SMYD3: variants seen among roughly 807,000 people sequenced by gnomAD.
SMYD3 encodes the protein histone-lysine N-methyltransferase SMYD3.
SMYD3 carries 36 observed loss-of-function variants against 57.7 expected under a neutral mutation model. That is an observed-to-expected ratio of 0.62 (90% CI 0.48 to 0.82). The LOEUF (loss-of-function observed/expected upper bound fraction) is 0.82. Ranked by LOEUF, SMYD3 falls within the 40% of genes least tolerant of loss-of-function variation. The pLI is 0.00. For synonymous variants in SMYD3, 211 were observed against 195.0 expected (o/e 1.08, Z -0.68); for missense variants, 515 against 538.8 (o/e 0.96, Z 0.44).
chr1:246,334,727 CT>C (rs1241379173), intron 3 of SMYD3, among the ~76,000 whole-genome samples: 1 of 152,066 alleles, frequency 6.6e-6, no homozygotes, highest in Admixed American at 6.6e-5. Flanking sequence ...AAAAGCAAAA[CT>C]TTTTTTAAAA....
intron 1 of SMYD3, among the ~76,000 whole-genome samples, chr1:246,439,881 T>A (rs2067437171): frequency 6.6e-6 from 1 of 151,940 alleles, no homozygotes; most frequent in Admixed American, 6.6e-5. Context: ...GCTTGGGAGG[T>A]CAAGGCTGCA....
chr1:246,064,025 C>T (rs1389944256), intron 5 of SMYD3, among the ~76,000 whole-genome samples: 1 of 152,140 alleles, frequency 6.6e-6, no homozygotes, highest in Non-Finnish European at 1.5e-5. Context: ...AGAAATAATC[C>T]CAATTCCTAC....
chr1:245,825,276 C>A lies in SMYD3; in HGVS notation c.1076+33220G>T, dbSNP rs559135739. Among the ~76,000 whole-genome samples the A allele has an allele frequency of 1.8e-4, 27 of 152,276 alleles. No homozygotes were observed. The East Asian group carries it at 4.4e-3, about 25-fold the overall frequency. On this transcript the variant is annotated intron_variant, in intron 10 of 11. Transcript: ENST00000490107. ...CCCTACGTTCTCTTAGATTTGGAAA[C>A]CCACAACGGCTCCCAACAAGCTCCT...
At chr1:246,483,427 A>T (rs2068139268) in intron 1 of SMYD3, 1 of 152,192 alleles carries the variant, frequency 6.6e-6, no homozygotes, top group Non-Finnish European at 1.5e-5. Flanking sequence ...TAACATCAAA[A>T]CACTTACCTC....
chr1:245,762,842 C>T (rs1401702423), intron 11 of SMYD3, among the ~76,000 whole-genome samples: 4 of 152,186 alleles, frequency 2.6e-5, no homozygotes, highest in African/African-American at 9.7e-5. Flanking sequence ...CCCTGACGCC[C>T]GATCCTTCCA....
At chr1:246,003,849 A>G (rs2059124004) in intron 5 of SMYD3, among the ~76,000 whole-genome samples, 1 of 152,238 alleles carries the variant, frequency 6.6e-6, no homozygotes, top group South Asian at 2.1e-4. Context: ...AGAACAAAAT[A>G]TAATACAGTC....
chr1:246,113,126 G>A (rs536619773), intron 5 of SMYD3, among the ~76,000 whole-genome samples: 3 of 151,664 alleles, frequency 2.0e-5, no homozygotes, highest in Admixed American at 6.6e-5. Flanking sequence ...AGCTTGCAGT[G>A]AGCCGAGATC....
chr1:246,073,829 C>CAT (rs1291410479), intron 5 of SMYD3, among the ~76,000 whole-genome samples: 2 of 152,096 alleles, frequency 1.3e-5, no homozygotes, highest in African/African-American at 4.8e-5. Context: ...TCCAAACCTC[C>CAT]ATAGAGGTAC....
chr1:245,783,726 T>C (rs1321247642), intron 10 of SMYD3, among the ~76,000 whole-genome samples: 2 of 152,216 alleles, frequency 1.3e-5, no homozygotes, highest in African/African-American at 4.8e-5. Context: ...CGTAAATTAA[T>C]TATATATCTA....
chr1:245,910,900 A>C (rs1328356984), intron 8 of SMYD3, among the ~76,000 whole-genome samples: 1 of 152,104 alleles, frequency 6.6e-6, no homozygotes, highest in East Asian at 1.9e-4. Context: ...TAGAAACATG[A>C]GATCAAATCA....
At chr1:246,105,943 C>T (rs2061110353) in intron 5 of SMYD3, among the ~76,000 whole-genome samples, 1 of 152,236 alleles carries the variant, frequency 6.6e-6, no homozygotes, top group Non-Finnish European at 1.5e-5. Flanking sequence ...ATTTCAGCCT[C>T]ATGAGCCCTG....
intron 5 of SMYD3, among the ~76,000 whole-genome samples, chr1:245,994,499 T>C (rs1470970988): frequency 1.3e-5 from 2 of 152,152 alleles, no homozygotes; most frequent in Non-Finnish European, 1.5e-5. Context: ...GCACTTTGGA[T>C]GCCCTCACCC....
intron 5 of SMYD3, among the ~76,000 whole-genome samples, chr1:246,218,745 A>G (rs1413881847): frequency 6.6e-6 from 1 of 152,178 alleles, no homozygotes; most frequent in Non-Finnish European, 1.5e-5. Flanking sequence ...AATAAAAATT[A>G]TTTAACAAAA....
chr1:246,425,156 A>G (rs1286130050), intron 1 of SMYD3, among the ~76,000 whole-genome samples: 3 of 152,144 alleles, frequency 2.0e-5, no homozygotes, highest in African/African-American at 7.2e-5. Context: ...ATCTCTTTCC[A>G]AAGTGCCAGT....
Position 245,749,495 on chromosome 1 carries a change from T to C in SMYD3, c.*68A>G. The C allele has an allele frequency of 2.5e-6, 3 of 1,208,808 alleles. No homozygotes were observed. Among genetic ancestry groups the C allele is most frequent in the South Asian group, 1.2e-5 (1 of 81,330 alleles). The allele number at this position is 1,208,808 out of a possible 1,614,324, so 74.9% of individuals were successfully genotyped here. ...AGAGGTTCACACAGCTAACAAAGCA[T>C]AGAGTGTGTGACCTCAATAAGGCAT... On this transcript the variant is annotated 3_prime_UTR_variant, in exon 12 of 12. Coordinates refer to ENST00000490107, the MANE Select transcript of SMYD3 (RefSeq NM_001167740.2).
chr1:246,028,272 C>T (rs2059610647), intron 5 of SMYD3, among the ~76,000 whole-genome samples: 1 of 152,052 alleles, frequency 6.6e-6, no homozygotes, highest in Non-Finnish European at 1.5e-5. Flanking sequence ...AAACAAAGGG[C>T]ATCCAAATTG....
At chr1:246,160,277 A>G (rs758799641) in intron 5 of SMYD3, among the ~76,000 whole-genome samples, 1 of 152,208 alleles carries the variant, frequency 6.6e-6, no homozygotes, top group Non-Finnish European at 1.5e-5. Context: ...AGTTCTAGAT[A>G]GAGAGAACTC....
chr1:245,956,616 C>G (rs2057851960), intron 5 of SMYD3, among the ~76,000 whole-genome samples: 1 of 152,212 alleles, frequency 6.6e-6, no homozygotes, highest in Admixed American at 6.5e-5. Context: ...TCCCCAGCCT[C>G]AGCTAATTCC....
chr1:245,935,265 A>T (rs2056934328), intron 5 of SMYD3, among the ~76,000 whole-genome samples: 1 of 152,254 alleles, frequency 6.6e-6, no homozygotes, highest in Non-Finnish European at 1.5e-5. Flanking sequence ...GACATTTCTC[A>T]AAAGAAGACA....
Sources: gnomAD v4.1 joint callset for allele counts (sites outside exome capture counted in the v4.1 genomes callset) on GRCh38, gnomAD v4.1.1 for gene constraint, MANE v1.5 for transcripts, NCBI Gene and HGNC (gene_info 2026-07-23, HGNC 2026-07-21) for gene names.